Variants in FMNL3 observed in about 807,000 individuals in gnomAD.
FMNL3 encodes formin-like protein 3.
In FMNL3, 57 loss-of-function variants were observed where a neutral mutation model predicts 119.6. The observed-to-expected ratio is 0.48, with a 90% confidence interval of 0.39 to 0.59. The LOEUF (loss-of-function observed/expected upper bound fraction) is 0.59, where lower values mean the gene tolerates loss of function less well. Ranked by LOEUF, FMNL3 falls within the 20% of genes least tolerant of loss-of-function variation. The probability of loss-of-function intolerance (pLI) is 0.00; values close to 1 mark genes in which losing one functional copy is unlikely to be tolerated. For synonymous variants in FMNL3, 491 were observed against 507.3 expected (o/e 0.97, Z 0.43); for missense variants, 1,053 against 1,323.5 (o/e 0.80, Z 3.17).
At chr12:49,675,253 G>A (rs1284504899) in intron 1 of FMNL3, among the ~76,000 whole-genome samples, 1 of 152,162 alleles carries the variant, frequency 6.6e-6, no homozygotes, top group Non-Finnish European at 1.5e-5. Context: ...GAGCACCCAG[G>A]CCCTAGTAAA....
chr12:49,637,136 G>C lies in FMNL3; in HGVS notation c.*8679C>G, dbSNP rs1941935266. ...TAGGCCATGTTTATTTCCCTTGGTG[G>C]GGCACCCGACAGGCAGAGTTTATTC... On this transcript the variant is annotated 3_prime_UTR_variant, in exon 26 of 26. Transcript: ENST00000335154. 2 of 577,904 alleles carry C rather than the reference G, an allele frequency of 3.5e-6. No homozygotes were observed. Among genetic ancestry groups the C allele is most frequent in the African/African-American group, 3.7e-5 (2 of 53,562 alleles). 35.8% of individuals were successfully genotyped at this position (577,904 alleles called of 1,614,324 possible). A position where few individuals can be genotyped will look rare whatever the true frequency, so the allele number is the denominator to read the frequency against.
rs764083933 is a variant in FMNL3 at position 49,644,042 on chromosome 12, T to C, written c.*1773A>G. 1 of 1,614,098 alleles carries C rather than the reference T, an allele frequency of 6.2e-7. No individual in the cohort carries two copies. Among genetic ancestry groups the C allele is most frequent in the Non-Finnish European group, 8.5e-7 (1 of 1,179,982 alleles). ...GGCCCTAGGCCAGTCAGCACGCTGG[T>C]CAAGCTTCCACGGCCCTTAGTGCAG... On this transcript the variant is annotated 3_prime_UTR_variant, in exon 26 of 26. Transcript: ENST00000335154.
At chr12:49,654,025 C>G in intron 11 of FMNL3, 151 bp from the exon 12 acceptor site, 1 of 1,266,882 alleles carries the variant, frequency 7.9e-7, no homozygotes, top group Non-Finnish European at 1.1e-6. Flanking sequence ...CCCCATGGAG[C>G]TGCCTGACTG....
intron 1 of FMNL3, among the ~76,000 whole-genome samples, chr12:49,684,058 C>T (rs1944400165): frequency 1.3e-5 from 2 of 152,172 alleles, no homozygotes; most frequent in African/African-American, 2.4e-5. Flanking sequence ...TGCACTTAGA[C>T]AGCTTTATGT....
chr12:49,685,931 G>A (rs1456536407), intron 1 of FMNL3, among the ~76,000 whole-genome samples: 1 of 152,090 alleles, frequency 6.6e-6, no homozygotes, highest in Non-Finnish European at 1.5e-5. Flanking sequence ...GCCAGGCTTG[G>A]TGGCGGGCGC....
At chr12:49,694,052 G>A (rs1364068995) in intron 1 of FMNL3, among the ~76,000 whole-genome samples, 1 of 151,984 alleles carries the variant, frequency 6.6e-6, no homozygotes, top group Non-Finnish European at 1.5e-5. Flanking sequence ...AATCCTCAGG[G>A]ATTGGACTAC....
intron 1 of FMNL3, among the ~76,000 whole-genome samples, chr12:49,676,556 C>G (rs1484636933): frequency 2.6e-5 from 2 of 77,176 alleles, no homozygotes; most frequent in Non-Finnish European, 5.1e-5. Flanking sequence ...CATATGCTTT[C>G]TCTATTCACA....
At chr12:49,674,504 C>T (rs1016309756) in intron 1 of FMNL3, among the ~76,000 whole-genome samples, 2 of 152,202 alleles carry the variant, frequency 1.3e-5, no homozygotes, top group Admixed American at 1.3e-4. Flanking sequence ...TACTACTCAT[C>T]TCCTTCCTTA....
At chr12:49,663,161 C>T (rs1356404474) in intron 4 of FMNL3, among the ~76,000 whole-genome samples, 1 of 152,198 alleles carries the variant, frequency 6.6e-6, no homozygotes, top group Non-Finnish European at 1.5e-5. Context: ...GGCCAACAGG[C>T]CTCCCGTTTC....
At position 49,641,896 on chromosome 12, in the gene FMNL3, C is replaced by T. The variant is rs1395628692; in HGVS notation, c.*3919G>A. On this transcript the variant is annotated 3_prime_UTR_variant, in exon 26 of 26. Coordinates refer to ENST00000335154, the MANE Select transcript of FMNL3 (RefSeq NM_175736.5). ...CGTGGTGCCCCTGCTTCATGCACTG[C>T]TGTACCCACAGGACCGGGGCTTCTG... 2 of 1,610,968 alleles carry T rather than the reference C, an allele frequency of 1.2e-6. No individual in the cohort carries two copies. Among genetic ancestry groups the T allele is most frequent in the East Asian group, 4.5e-5 (2 of 44,894 alleles).
chr12:49,699,110 T>C (rs1409475485), intron 1 of FMNL3, among the ~76,000 whole-genome samples: 2 of 152,140 alleles, frequency 1.3e-5, no homozygotes, highest in Admixed American at 1.3e-4. Context: ...GGGAGAAATG[T>C]TTCCCCAGAA....
At chr12:49,701,101 A>G (rs1944899645) in intron 1 of FMNL3, among the ~76,000 whole-genome samples, 2 of 151,764 alleles carry the variant, frequency 1.3e-5, no homozygotes, top group Non-Finnish European at 2.9e-5. Flanking sequence ...AAAAAGAAAT[A>G]ATGATACTGA....
At chr12:49,676,527 T>G (rs1457255414) in intron 1 of FMNL3, among the ~76,000 whole-genome samples, 1 of 104,228 alleles carries the variant, frequency 9.6e-6, no homozygotes, top group South Asian at 2.5e-4. Context: ...TGGGTTTTTT[T>G]TTTTTTTTTT....
In FMNL3 at chr12:49,651,919, G is replaced by A; in HGVS notation, c.1603+14C>T. On this transcript the variant is annotated intron_variant, in intron 14 of 25. Transcript: ENST00000335154. ...AGGCTGCCCCTGTTGGCTCCCAGGG[G>A]TCGTCGTGGTTACCTGGTAATGGGG... is the stretch of plus-strand genomic sequence containing the variant. 2 of 1,568,610 alleles carry A rather than the reference G, an allele frequency of 1.3e-6. No homozygotes were observed. Among genetic ancestry groups the A allele is most frequent in the South Asian group, 1.2e-5 (1 of 84,286 alleles).
rs1163619942 is a variant in FMNL3, at chr12:49,698,824, T to A, written c.126+8231A>T. Among the ~76,000 whole-genome samples the A allele has an allele frequency of 2.0e-5, 3 of 152,318 alleles. No individual in the cohort carries two copies. The East Asian group carries it at 5.8e-4, about 29-fold the overall frequency. On this transcript the variant is annotated intron_variant, in intron 1 of 25. Transcript: ENST00000335154. ...GCCCAGAGAGGCAAAAGAGAGAGAC[T>A]GGAAATGGAATGCAGGAATTCTAGC...
Position 49,693,645 on chromosome 12 carries a change from T to TTTTTTTTG in FMNL3, c.126+13409_126+13410insCAAAAAAA, listed in dbSNP as rs1944672171. ...CAGCCTCCCAATCTTGGTTTTTTTT[T>TTTTTTTTG]TTTTTTTTTTTTTTTTTTTTGAGAC... On this transcript the variant is annotated intron_variant, in intron 1 of 25. Coordinates refer to ENST00000335154, the MANE Select transcript of FMNL3 (RefSeq NM_175736.5). 1.6e-5 allele frequency among the ~76,000 whole-genome samples: 2 copies of TTTTTTTTG among 124,014 alleles called. 1 individual carries two copies. 81.4% of individuals were successfully genotyped at this position (124,014 alleles called of 152,430 possible).
chr12:49,674,772 G>T (rs993880651), intron 1 of FMNL3, among the ~76,000 whole-genome samples: 1 of 152,194 alleles, frequency 6.6e-6, no homozygotes, highest in East Asian at 1.9e-4. Context: ...TCTGGAGAAC[G>T]TGCTTTTGTG....
chr12:49,646,027 A>AGG, intron 25 of FMNL3, 124 bp from the exon 26 acceptor site: 1 of 770,258 alleles, frequency 1.3e-6, no homozygotes, highest in Non-Finnish European at 2.1e-6. Flanking sequence ...CAGGAGGCTT[A>AGG]GATAAGGCTT....
chr12:49,664,614 G>T, intron 4 of FMNL3, among the ~76,000 whole-genome samples: 1 of 152,124 alleles, frequency 6.6e-6, no homozygotes, highest in East Asian at 1.9e-4. Flanking sequence ...ACCAAACAAA[G>T]GAAGAGGCTT....
Sources: gnomAD v4.1 joint callset for allele counts (sites outside exome capture counted in the v4.1 genomes callset) on GRCh38, gnomAD v4.1.1 for gene constraint, MANE v1.5 for transcripts, NCBI Gene and HGNC (gene_info 2026-07-23, HGNC 2026-07-21) for gene names.